DCDC1: variants seen among roughly 807,000 people sequenced by gnomAD.
The protein encoded by DCDC1 is doublecortin domain containing 1.
In DCDC1, 200 loss-of-function variants were observed where a neutral mutation model predicts 178.3. The observed-to-expected ratio is 1.12, with a 90% CI of 1.00 to 1.26. The LOEUF is 1.26. Ranked by LOEUF, DCDC1 falls within the 50% of genes most tolerant of loss-of-function variation. The pLI is 0.00. For missense variants in DCDC1, 1,983 were observed against 1,749.2 expected (o/e 1.13, Z -2.38); for synonymous variants, 690 against 604.8 (o/e 1.14, Z -2.07).
intron 9 of DCDC1, among the ~76,000 whole-genome samples, chr11:31,236,454 A>C (rs1312020909): frequency 6.6e-6 from 1 of 152,030 alleles, no homozygotes; most frequent in East Asian, 1.9e-4. Context: ...CAAACTGCTG[A>C]CACCTTTTTT....
At chr11:30,963,217 G>T (rs956298972) in intron 20 of DCDC1, among the ~76,000 whole-genome samples, 5 of 152,102 alleles carry the variant, frequency 3.3e-5, no homozygotes, top group African/African-American at 1.2e-4. Context: ...AACCAAGGAA[G>T]AATAATCTTT....
chr11:30,892,721 G>A, intron 36 of DCDC1, 97 bp downstream of exon 36: 1 of 1,400,824 alleles, frequency 7.1e-7, no homozygotes, highest in East Asian at 2.3e-5. Flanking sequence ...AGAAAATGAG[G>A]TTCATAGAAG....
chr11:31,145,375 C>T (rs1015065938), intron 9 of DCDC1, among the ~76,000 whole-genome samples: 5 of 152,066 alleles, frequency 3.3e-5, no homozygotes, highest in Admixed American at 6.5e-5. Context: ...GGAACGAGTG[C>T]GTTGAGGAAA....
In DCDC1 at chr11:31,088,717, T is replaced by C. The variant is rs557114205; in HGVS notation, c.2237+2676A>G. The stretch of plus-strand genomic sequence containing the variant: ...AAAAATAATTAGCACTGTGGGGTTT[T>C]GGGGGTGTTTTGTTTTTGACACACA... On this transcript the variant is annotated intron_variant, in intron 17 of 38. Transcript: ENST00000684477. Among the ~76,000 whole-genome samples, 4 of 152,236 alleles carry C rather than the reference T, an allele frequency of 2.6e-5. No individual in the cohort carries two copies. In the East Asian group the frequency reaches 7.7e-4, roughly 29 times the overall value.
chr11:30,946,605 GCAACT>G (rs1434880670), intron 21 of DCDC1, among the ~76,000 whole-genome samples: 1 of 152,112 alleles, frequency 6.6e-6, no homozygotes, highest in African/African-American at 2.4e-5. Flanking sequence ...CAAAAGTGCT[GCAACT>G]CATTGATTCA....
intron 29 of DCDC1, among the ~76,000 whole-genome samples, chr11:30,907,469 A>G (rs1173071794): frequency 6.6e-6 from 1 of 152,138 alleles, no homozygotes; most frequent in Non-Finnish European, 1.5e-5. Context: ...AGGCCATGTG[A>G]CTTGCTTTGG....
intron 9 of DCDC1, among the ~76,000 whole-genome samples, chr11:31,187,492 AAAAC>A (rs972867800): frequency 6.6e-4 from 101 of 152,322 alleles, no homozygotes; most frequent in African/African-American, 1.9e-3. Flanking sequence ...TCCTGAAAGC[AAAAC>A]AAACAAACAA....
intron 15 of DCDC1, among the ~76,000 whole-genome samples, chr11:31,097,730 A>G (rs1396695689): frequency 6.6e-6 from 1 of 152,206 alleles, no homozygotes; most frequent in Admixed American, 6.5e-5. Context: ...GTCCTATGCT[A>G]ATGGCAATCC....
intron 15 of DCDC1, among the ~76,000 whole-genome samples, chr11:31,101,902 C>G (rs113057444): frequency 6.6e-6 from 1 of 152,018 alleles, no homozygotes; most frequent in Non-Finnish European, 1.5e-5. Flanking sequence ...CATGGCAAAA[C>G]CCCATCTCTA....
chr11:31,011,796 T>G (rs1484531160), intron 20 of DCDC1, among the ~76,000 whole-genome samples: 1 of 152,238 alleles, frequency 6.6e-6, no homozygotes, highest in Non-Finnish European at 1.5e-5. Context: ...TGTAAAATTA[T>G]TCAGTAAGTA....
At chr11:30,996,254 T>C (rs1951262695) in intron 20 of DCDC1, among the ~76,000 whole-genome samples, 1 of 151,852 alleles carries the variant, frequency 6.6e-6, no homozygotes, top group African/African-American at 2.4e-5. Flanking sequence ...GAAAGCAAAA[T>C]GAAACAAAAA....
intron 20 of DCDC1, among the ~76,000 whole-genome samples, chr11:31,010,907 G>A (rs920093203): frequency 6.6e-5 from 10 of 151,960 alleles, no homozygotes; most frequent in African/African-American, 2.4e-4. Context: ...CTTTCATCAT[G>A]AATACCGTAT....
intron 36 of DCDC1, among the ~76,000 whole-genome samples, chr11:30,888,118 GAAAGAA>G (rs1554959045): frequency 7.5e-6 from 1 of 133,488 alleles, no homozygotes. Context: ...AAGAAAGAAA[GAAAGAA>G]AGAAAGAAAG....
At chr11:30,959,608 C>A (rs1948972599) in intron 20 of DCDC1, among the ~76,000 whole-genome samples, 1 of 152,136 alleles carries the variant, frequency 6.6e-6, no homozygotes, top group South Asian at 2.1e-4. Context: ...CATTCCACCA[C>A]TTCCTGTCTC....
At position 30,994,743 on chromosome 11, in the gene DCDC1, A is replaced by G. The variant is rs1459885471; in HGVS notation, c.2592-42175T>C. On this transcript the variant is annotated intron_variant, in intron 20 of 38. Coordinates refer to ENST00000684477, the MANE Select transcript of DCDC1 (RefSeq NM_001387274.1). ...GTTATAATATATTATATATTTATTT[A>G]ATAAATATATAATATATTTGTTTAT... Among the ~76,000 whole-genome samples the G allele has an allele frequency of 1.5e-4, 22 of 142,890 alleles. No homozygotes were observed. The East Asian group carries it at 4.3e-3, about 28-fold the overall frequency. 93.7% of individuals were successfully genotyped at this position (142,890 alleles called of 152,430 possible).
intron 8 of DCDC1, among the ~76,000 whole-genome samples, chr11:31,263,347 A>G (rs1055795962): frequency 2.0e-5 from 3 of 152,188 alleles, no homozygotes; most frequent in Non-Finnish European, 4.4e-5. Flanking sequence ...ATGGAAGAGG[A>G]GACAAAAATG....
intron 9 of DCDC1, among the ~76,000 whole-genome samples, chr11:31,180,993 G>A (rs1368781749): frequency 1.3e-5 from 2 of 152,128 alleles, no homozygotes; most frequent in Admixed American, 6.5e-5. Flanking sequence ...AGCACAGCAG[G>A]CTGAAGTCGA....
At chr11:30,888,136 A>T (rs566146520) in intron 36 of DCDC1, among the ~76,000 whole-genome samples, 4 of 145,528 alleles carry the variant, frequency 2.7e-5, no homozygotes, top group Non-Finnish European at 4.5e-5. Flanking sequence ...GAAAGAAAGA[A>T]AGAAAGAAAG....
rs1161688503 is a variant in DCDC1, at chr11:31,318,964, G to A, written c.164+9153C>T. Among the ~76,000 whole-genome samples the A allele has an allele frequency of 3.4e-3, 107 of 31,500 alleles. 3 individuals carry two copies. The East Asian group carries it at 0.035, about 10-fold the overall frequency. 20.7% of individuals were successfully genotyped at this position (31,500 alleles called of 152,430 possible). A position where few individuals can be genotyped will look rare whatever the true frequency, so the allele number is the denominator to read the frequency against. ...TTGTTCAGTTTCCATGTAGTTGAGC[G>A]GCTTTGAGTGAGATTCTTAATCCTG... On this transcript the variant is annotated intron_variant, in intron 3 of 38. Coordinates refer to ENST00000684477, the MANE Select transcript of DCDC1 (RefSeq NM_001387274.1).
Sources: allele counts gnomAD v4.1 joint callset (sites outside exome capture counted in the v4.1 genomes callset), GRCh38; gene constraint gnomAD v4.1.1; transcripts MANE v1.5; gene names NCBI Gene and HGNC (gene_info 2026-07-23, HGNC 2026-07-21).